C5AR2: variants seen among roughly 807,000 people sequenced by gnomAD.
The protein encoded by C5AR2 is complement C5a receptor 2.
For synonymous variants in C5AR2, 224 were observed against 216.5 expected (o/e 1.03, Z -0.30); for missense variants, 458 against 467.5 (o/e 0.98, Z 0.19).
At chr19:47,339,219 C>T (rs1343358401) in intron 1 of C5AR2, among the ~76,000 whole-genome samples, 2 of 152,160 alleles carry the variant, frequency 1.3e-5, no homozygotes, top group Non-Finnish European at 2.9e-5. Context: ...CCTATAGCAC[C>T]TGTCTCATTT....
Position 47,341,048 on chromosome 19 carries a change from C to T in C5AR2, c.249C>T (p.Cys83=). The T allele has an allele frequency of 6.2e-7, 1 of 1,606,596 alleles. No homozygotes were observed. The highest frequency in any genetic ancestry group is 8.5e-7 in the Non-Finnish European group (1 of 1,179,926). ...LLHLAVADLL[C]CLSLPILAVP... ...ACCTGGCCGTGGCGGATTTGCTGTG[C>T]TGTTTGTCTCTGCCCATCCTGGCAG... Residue 83 remains cysteine (C), a synonymous_variant, in exon 2 of 2, where the codon TGC becomes TGT. Transcript: ENST00000595464. The surrounding 1 kb of genome is among the most constrained non-coding windows in gnomAD (Gnocchi z 4.6).
At chr19:47,335,253 A>G (rs1444405048) in intron 1 of C5AR2, among the ~76,000 whole-genome samples, 1 of 151,846 alleles carries the variant, frequency 6.6e-6, no homozygotes, top group East Asian at 1.9e-4. Flanking sequence ...AATAAGCACC[A>G]CTTGGGCAGA....
At chr19:47,337,241 A>G (rs923604791) in intron 1 of C5AR2, 6 of 152,306 alleles carry the variant, frequency 3.9e-5, no homozygotes, top group African/African-American at 1.4e-4. Flanking sequence ...TGACACCCAC[A>G]GTCATGGAGG....
rs1969125166 is a variant in C5AR2 at position 47,346,706 on chromosome 19, A to G, written c.*4893A>G. On this transcript the variant is annotated 3_prime_UTR_variant, in exon 2 of 2. Coordinates refer to ENST00000595464, the MANE Select transcript of C5AR2 (RefSeq NM_001271749.2). Reference sequence around the variant, plus strand: ...GGTGACAGAGCAAGACTCCGTCTAAAAAAAAAAAATAGTAAGAAAGAAGGA... The same window carrying G: ...GGTGACAGAGCAAGACTCCGTCTAAGAAAAAAAAATAGTAAGAAAGAAGGA... The G allele has an allele frequency of 1.3e-5, 2 of 152,036 alleles. No homozygotes were observed. The highest frequency in any genetic ancestry group is 4.1e-4 in the South Asian group (2 of 4,828). The allele number at this position is 152,036 out of a possible 1,614,324, so 9.4% of individuals were successfully genotyped here. A position where few individuals can be genotyped will look rare whatever the true frequency, so the allele number is the denominator to read the frequency against.
rs1969110513 is a variant in C5AR2 at position 47,345,705 on chromosome 19, T to C, written c.*3892T>C. The C allele has an allele frequency of 2.0e-5, 3 of 151,942 alleles. No individual in the cohort carries two copies. Among genetic ancestry groups the C allele is most frequent in the Admixed American group, 6.6e-5 (1 of 15,236 alleles). 9.4% of individuals were successfully genotyped at this position (151,942 alleles called of 1,614,324 possible). On this transcript the variant is annotated 3_prime_UTR_variant, in exon 2 of 2. Coordinates refer to ENST00000595464, the MANE Select transcript of C5AR2 (RefSeq NM_001271749.2). ...TTATTACTTAGTATTTTACTCTGAATTATCATGCGTGAATTAAGACCAAGG... is the reference window on the plus strand; with the variant it reads ...TTATTACTTAGTATTTTACTCTGAACTATCATGCGTGAATTAAGACCAAGG...
rs1276012897 is a variant in C5AR2 at position 47,346,554 on chromosome 19, A to T, written c.*4741A>T. 1 of 151,820 alleles carries T rather than the reference A, an allele frequency of 6.6e-6. No individual in the cohort carries two copies. Among genetic ancestry groups the T allele is most frequent in the Non-Finnish European group, 1.5e-5 (1 of 67,976 alleles). 9.4% of individuals were successfully genotyped at this position (151,820 alleles called of 1,614,324 possible). ...CCCTGTCTCTACTAAAAATACAAAA[A>T]ATTAGCCAGGCGTGTTGGCGGGAGC... On this transcript the variant is annotated 3_prime_UTR_variant, in exon 2 of 2. Transcript: ENST00000595464.
In C5AR2 at chr19:47,341,946, C is replaced by CATAGCAAGTGCATGA; in HGVS notation, c.*133_*134insATAGCAAGTGCATGA. On this transcript the variant is annotated 3_prime_UTR_variant, in exon 2 of 2. Coordinates refer to ENST00000595464, the MANE Select transcript of C5AR2 (RefSeq NM_001271749.2). This position sits in a 1 kb window ranked among gnomAD's most constrained non-coding sequence, Gnocchi z 4.6. ...TCATTCAACAGATATCCATCATGCACTTGCTATGTGCAAGGCCTTTTTAGG... is the reference window on the plus strand; with the variant it reads ...TCATTCAACAGATATCCATCATGCACATAGCAAGTGCATGATTGCTATGTGCAAGGCCTTTTTAGG... 1 of 906,872 alleles carries CATAGCAAGTGCATGA rather than the reference C, an allele frequency of 1.1e-6. No individual in the cohort carries two copies. The highest frequency in any genetic ancestry group is 1.7e-6 in the Non-Finnish European group (1 of 594,574). The allele number at this position is 906,872 out of a possible 1,614,324, so 56.2% of individuals were successfully genotyped here.
In C5AR2 at chr19:47,341,873, C is replaced by T; in HGVS notation, c.*60C>T. 1 of 1,474,634 alleles carries T rather than the reference C, an allele frequency of 6.8e-7. No individual in the cohort carries two copies. Among genetic ancestry groups the T allele is most frequent in the African/African-American group, 1.4e-5 (1 of 72,008 alleles). The allele number at this position is 1,474,634 out of a possible 1,614,324, so 91.3% of individuals were successfully genotyped here. A position where few individuals can be genotyped will look rare whatever the true frequency, so the allele number is the denominator to read the frequency against. Reference sequence around the variant, plus strand: ...CTCATTTCACAAGACTGGCTTCAGGCATAGCTGGATCCAGGAGCTCAATGA... The same window carrying T: ...CTCATTTCACAAGACTGGCTTCAGGTATAGCTGGATCCAGGAGCTCAATGA... On this transcript the variant is annotated 3_prime_UTR_variant, in exon 2 of 2. Transcript: ENST00000595464. This position sits in a 1 kb window ranked among gnomAD's most constrained non-coding sequence, Gnocchi z 4.6.
chr19:47,336,282 G>C (rs1336730461), intron 1 of C5AR2, among the ~76,000 whole-genome samples: 1 of 151,960 alleles, frequency 6.6e-6, no homozygotes, highest in African/African-American at 2.4e-5. Flanking sequence ...TAGAGACCAG[G>C]TTTCACCATG....
chr19:47,336,128 C>T (rs868176448), intron 1 of C5AR2, among the ~76,000 whole-genome samples: 32 of 151,988 alleles, frequency 2.1e-4, no homozygotes, highest in African/African-American at 6.8e-4. Context: ...TCGCTGTTGT[C>T]GCCCAGGCTG....
chr19:47,336,314 T>G (rs1180703444), intron 1 of C5AR2, among the ~76,000 whole-genome samples: 1 of 151,956 alleles, frequency 6.6e-6, no homozygotes, highest in African/African-American at 2.4e-5. Context: ...GGTCTTGAAC[T>G]CCTGGCCTCA....
In C5AR2 at chr19:47,341,111, A is replaced by C. The variant is rs2122171806; in HGVS notation, c.312A>C (p.Ala104=). The C allele has an allele frequency of 6.2e-7, 1 of 1,603,918 alleles. No homozygotes were observed. Among genetic ancestry groups the C allele is most frequent in the Admixed American group, 1.7e-5 (1 of 60,026 alleles). ...IARGGHWPYG[A]VGCRALPSII... ...GTGGAGGCCACTGGCCGTATGGTGCAGTGGGCTGTCGGGCGCTGCCCTCCA... is the reference window on the plus strand; with the variant it reads ...GTGGAGGCCACTGGCCGTATGGTGCCGTGGGCTGTCGGGCGCTGCCCTCCA... The change falls in exon 2 of 2, where the codon GCA becomes GCC. Residue 104 remains alanine (A), a synonymous_variant. Transcript: ENST00000595464. The surrounding 1 kb of genome is among the most constrained non-coding windows in gnomAD (Gnocchi z 4.6).
Position 47,341,721 on chromosome 19 carries a change from C to T in C5AR2, c.922C>T (p.His308Tyr). The T allele has an allele frequency of 6.2e-7, 1 of 1,613,966 alleles. No homozygotes were observed. The highest frequency in any genetic ancestry group is 1.3e-5 in the African/African-American group (1 of 75,054). Reference sequence around the variant, plus strand: ...CCGCCGGTCACTGCCAGCTGCCTGTCACTGGGCCCTGAGGGAGTCCCAGGG... The same window carrying T: ...CCGCCGGTCACTGCCAGCTGCCTGTTACTGGGCCCTGAGGGAGTCCCAGGG... Reference protein sequence around the residue: ...QLRRSLPAACHWALRESQGQD... With the variant: ...QLRRSLPAACYWALRESQGQD... The change falls in exon 2 of 2, where the codon CAC (histidine) becomes TAC (tyrosine). Residue 308 changes from histidine (H) to tyrosine (Y), a missense_variant. Coordinates refer to ENST00000595464, the MANE Select transcript of C5AR2 (RefSeq NM_001271749.2). This position sits in a 1 kb window ranked among gnomAD's most constrained non-coding sequence, Gnocchi z 4.6.
rs144687097 is a variant in C5AR2, at chr19:47,340,992, C to A, written c.193C>A (p.Arg65Ser). 6.2e-7 allele frequency: 1 copy of A among 1,610,194 alleles called. No homozygotes were observed. The highest frequency in any genetic ancestry group is 2.2e-5 in the East Asian group (1 of 44,876). ...MVAWVAGKVARRRVGATWLLH... is the reference protein window; with the variant it reads ...MVAWVAGKVASRRVGATWLLH... Reference sequence around the variant, plus strand: ...GGCCTGGGTGGCTGGGAAGGTGGCCCGCCGGAGGGTGGGTGCCACCTGGTT... The same window carrying A: ...GGCCTGGGTGGCTGGGAAGGTGGCCAGCCGGAGGGTGGGTGCCACCTGGTT... Residue 65 changes from arginine (R) to serine (S), a missense_variant, in exon 2 of 2, where the codon CGC becomes AGC. Transcript: ENST00000595464.
At chr19:47,340,048 G>T (rs1037685110) in intron 1 of C5AR2, among the ~76,000 whole-genome samples, 89 of 151,282 alleles carry the variant, frequency 5.9e-4, no homozygotes, top group African/African-American at 2.1e-3. Flanking sequence ...TCAATCTCCT[G>T]GGCTCAAATG....
chr19:47,338,469 C>G (rs1158378635), intron 1 of C5AR2, among the ~76,000 whole-genome samples: 6 of 146,204 alleles, frequency 4.1e-5, no homozygotes, highest in Non-Finnish European at 6.0e-5. Context: ...AAAGTTGACA[C>G]AAAACACAAA....
At chr19:47,336,793 T>C (rs1419443355) in intron 1 of C5AR2, among the ~76,000 whole-genome samples, 8 of 151,990 alleles carry the variant, frequency 5.3e-5, no homozygotes, top group Non-Finnish European at 2.9e-5. Flanking sequence ...GGATTACAGG[T>C]GTGAGCCACT....
intron 1 of C5AR2, among the ~76,000 whole-genome samples, chr19:47,339,096 G>A (rs2059371573): frequency 1.3e-5 from 2 of 151,814 alleles, no homozygotes; most frequent in African/African-American, 4.8e-5. Context: ...GGAGGTTGCA[G>A]TGAGCCGAGA....
chr19:47,333,584 CTTTTTTTT>C (rs34383862), intron 1 of C5AR2, among the ~76,000 whole-genome samples: 3 of 124,448 alleles, frequency 2.4e-5, no homozygotes, highest in African/African-American at 9.6e-5. Context: ...GTTCAGACTC[CTTTTTTTT>C]TTTTTTTTTT....
Sources: allele counts gnomAD v4.1 joint callset (sites outside exome capture counted in the v4.1 genomes callset), GRCh38; gene constraint gnomAD v4.1.1; non-coding constraint Gnocchi (gnomAD v3.1); transcripts MANE v1.5; gene names NCBI Gene and HGNC (gene_info 2026-07-23, HGNC 2026-07-21).